The following FAF1 variants were observed in gnomAD, a reference collection of about 807,000 sequenced individuals.
FAF1 encodes FAS-associated factor 1.
A neutral mutation model predicts 92.5 loss-of-function variants in FAF1; 25 were observed. The observed-to-expected ratio is 0.27, with a 90% confidence interval of 0.20 to 0.38. The LOEUF (loss-of-function observed/expected upper bound fraction) is 0.38. Among genes scored for constraint, FAF1 ranks in the 10% least tolerant of loss-of-function variants. FAF1 has a pLI of 1.00. For missense variants in FAF1, 636 were observed against 793.3 expected, an observed-to-expected ratio of 0.80 and a Z score of 2.38; for synonymous variants, 234 against 273.2, an observed-to-expected ratio of 0.86 and a Z score of 1.42.
At chr1:50,523,729 T>G (rs1647631975) in intron 15 of FAF1, among the ~76,000 whole-genome samples, 1 of 152,220 alleles carries the variant, frequency 6.6e-6, no homozygotes, top group Non-Finnish European at 1.5e-5. Flanking sequence ...ATCTCATTCT[T>G]TTTTATGGAT....
At chr1:50,689,993 C>CTTTTTT (rs1159221059) in intron 7 of FAF1, among the ~76,000 whole-genome samples, 19 of 122,318 alleles carry the variant, frequency 1.6e-4, no homozygotes, top group Middle Eastern at 4.5e-3. Flanking sequence ...CATTATATTT[C>CTTTTTT]TTTTTTTTTT....
At chr1:50,608,514 C>T (rs568930499) in intron 8 of FAF1, among the ~76,000 whole-genome samples, 1 of 152,136 alleles carries the variant, frequency 6.6e-6, no homozygotes, top group African/African-American at 2.4e-5. Flanking sequence ...GTTCTGTTCA[C>T]TAGGGAAATG....
chr1:50,844,932 G>A (rs1445757283), intron 2 of FAF1, among the ~76,000 whole-genome samples: 3 of 151,906 alleles, frequency 2.0e-5, no homozygotes, highest in African/African-American at 7.3e-5. Flanking sequence ...CCAAATAAAG[G>A]TTCAATAAAA....
chr1:50,604,573 T>C (rs1293473619), intron 8 of FAF1, among the ~76,000 whole-genome samples: 1 of 152,136 alleles, frequency 6.6e-6, no homozygotes, highest in Non-Finnish European at 1.5e-5. Flanking sequence ...AGTGGTACAA[T>C]CACGGCCGAC....
At chr1:50,911,300 G>C (rs1360274418) in intron 1 of FAF1, among the ~76,000 whole-genome samples, 1 of 151,440 alleles carries the variant, frequency 6.6e-6, no homozygotes, top group Non-Finnish European at 1.5e-5. Context: ...TGGAACTCCT[G>C]ACCTCAAGTG....
At chr1:50,491,980 T>C (rs1369129219) in intron 15 of FAF1, among the ~76,000 whole-genome samples, 179 bp from the exon 16 acceptor site, 2 of 152,160 alleles carry the variant, frequency 1.3e-5, no homozygotes, top group African/African-American at 2.4e-5. Context: ...GCATGGTACA[T>C]AGTGGAAATA....
intron 8 of FAF1, among the ~76,000 whole-genome samples, chr1:50,648,582 G>A (rs965156939): frequency 1.4e-4 from 22 of 152,172 alleles, no homozygotes; most frequent in African/African-American, 5.3e-4. Flanking sequence ...AGGAGCCATT[G>A]AAAATAAGTA....
At chr1:50,554,390 T>TATATATATATATATATATATAGAGAGAG in intron 13 of FAF1, among the ~76,000 whole-genome samples, 3 of 93,686 alleles carry the variant, frequency 3.2e-5, no homozygotes, top group African/African-American at 4.7e-5. Context: ...TATATATATA[T>TATATATATATATATATATATAGAGAGAG]AGAGAGAGAG....
chr1:50,653,772 A>G (rs1371138244), intron 8 of FAF1, among the ~76,000 whole-genome samples: 2 of 152,160 alleles, frequency 1.3e-5, no homozygotes, highest in African/African-American at 4.8e-5. Context: ...AGGCTGAGGC[A>G]GGAGAATCAA....
intron 1 of FAF1, among the ~76,000 whole-genome samples, chr1:50,934,126 G>A (rs1285995442): frequency 3.9e-5 from 6 of 152,204 alleles, no homozygotes; most frequent in African/African-American, 1.4e-4. Context: ...ATTAGTGGTT[G>A]TTCTCAGAAT....
intron 4 of FAF1, among the ~76,000 whole-genome samples, chr1:50,765,746 G>A (rs1660542227): frequency 6.6e-6 from 1 of 152,128 alleles, no homozygotes. Flanking sequence ...CACATTTCAT[G>A]TTAATACTGC....
chr1:50,713,439 A>G (rs974020154), intron 6 of FAF1, among the ~76,000 whole-genome samples: 1 of 151,660 alleles, frequency 6.6e-6, no homozygotes, highest in Non-Finnish European at 1.5e-5. Context: ...ACACCTGGCT[A>G]ATTTTTGTAT....
Position 50,553,968 on chromosome 1 carries a change from C to A in FAF1, c.1268+13109G>T, listed in dbSNP as rs181149140. ...GGCAATATTCAAGCACAGGCTGGAG[C>A]AACATCAGCTAAGCATGTTATAGAA... On this transcript the variant is annotated intron_variant, in intron 13 of 18. Transcript: ENST00000396153. Among the ~76,000 whole-genome samples, 16 of 151,854 alleles carry A rather than the reference C, an allele frequency of 1.1e-4. No individual in the cohort carries two copies. The East Asian group carries it at 2.3e-3, about 22-fold the overall frequency.
intron 9 of FAF1, among the ~76,000 whole-genome samples, chr1:50,586,222 T>C (rs558822464): frequency 5.8e-4 from 88 of 152,276 alleles, no homozygotes; most frequent in South Asian, 1.0e-3. Flanking sequence ...AATATTACAA[T>C]ACATAAAAGT....
intron 1 of FAF1, among the ~76,000 whole-genome samples, chr1:50,858,658 G>T (rs571506655): frequency 1.3e-5 from 2 of 151,874 alleles, no homozygotes; most frequent in South Asian, 4.1e-4. Flanking sequence ...AATAAAACAT[G>T]TTAAAATTAA....
intron 9 of FAF1, among the ~76,000 whole-genome samples, chr1:50,591,687 A>T (rs1317827609): frequency 1.3e-5 from 2 of 151,894 alleles, no homozygotes; most frequent in African/African-American, 4.8e-5. Context: ...AAAAAAAAAA[A>T]AAAAAAAGGC....
chr1:50,780,033 A>T (rs1661112735), intron 4 of FAF1, among the ~76,000 whole-genome samples: 1 of 142,318 alleles, frequency 7.0e-6, no homozygotes, highest in Admixed American at 6.9e-5. Context: ...GAGGAAGTAA[A>T]AGAGGAAGTG....
At chr1:50,512,405 T>A (rs1647148695) in intron 15 of FAF1, among the ~76,000 whole-genome samples, 1 of 152,190 alleles carries the variant, frequency 6.6e-6, no homozygotes, top group African/African-American at 2.4e-5. Flanking sequence ...CCACCTTGAG[T>A]TAATTTTTGT....
chr1:50,574,756 A>AT (rs1411384506), intron 12 of FAF1, among the ~76,000 whole-genome samples: 2 of 152,124 alleles, frequency 1.3e-5, no homozygotes, highest in Non-Finnish European at 2.9e-5. Context: ...ACTGAAAATC[A>AT]TAAGAATTAC....
Sources: allele counts gnomAD v4.1 joint callset (sites outside exome capture counted in the v4.1 genomes callset), GRCh38; gene constraint gnomAD v4.1.1; transcripts MANE v1.5; gene names NCBI Gene and HGNC (gene_info 2026-07-23, HGNC 2026-07-21).